Variants in PDE3A observed in about 807,000 individuals in gnomAD.
PDE3A encodes phosphodiesterase 3A.
PDE3A carries 43 observed loss-of-function variants against 98.3 expected under a neutral mutation model. That is an observed-to-expected ratio of 0.44 (90% CI 0.34 to 0.56). The LOEUF is 0.56. PDE3A is among the 20% of genes least tolerant of loss of function. The pLI is 0.01. For missense variants in PDE3A, 1,427 were observed against 1,440.7 expected, an observed-to-expected ratio of 0.99 and a Z score of 0.15; for synonymous variants, 663 against 567.9, an observed-to-expected ratio of 1.17 and a Z score of -2.38.
At chr12:20,626,051 G>A (rs183650658) in intron 5 of PDE3A, among the ~76,000 whole-genome samples, 63 of 152,150 alleles carry the variant, frequency 4.1e-4, no homozygotes, top group African/African-American at 1.4e-3. Context: ...GTGAGTGTGC[G>A]ATGTAAAATT....
At chr12:20,591,842 G>A (rs1044203972) in intron 2 of PDE3A, among the ~76,000 whole-genome samples, 16 of 152,148 alleles carry the variant, frequency 1.1e-4, no homozygotes, top group African/African-American at 2.9e-4. Context: ...TGTAATAATC[G>A]TGGTGGCTGT....
At chr12:20,638,594 G>T (rs1015883454) in intron 9 of PDE3A, among the ~76,000 whole-genome samples, 3 of 152,060 alleles carry the variant, frequency 2.0e-5, no homozygotes, top group Admixed American at 6.6e-5. Flanking sequence ...TCATACTTTA[G>T]GGATCCCCCT....
At position 20,685,378 on chromosome 12, in the gene PDE3A, C is replaced by T. The variant is rs1292226220; in HGVS notation, c.*5107C>T. ...GAGCTGAGATTGCACCATTGCACTC[C>T]AGCCTGGGCAACAGGAGTTAAATTT... is the stretch of plus-strand genomic sequence containing the variant. On this transcript the variant is annotated 3_prime_UTR_variant, in exon 16 of 16. Transcript: ENST00000359062. Among the ~76,000 whole-genome samples the T allele has an allele frequency of 7.6e-6, 1 of 131,074 alleles. No individual in the cohort carries two copies. Among genetic ancestry groups the T allele is most frequent in the South Asian group, 2.3e-4 (1 of 4,262 alleles). 86.0% of individuals were successfully genotyped at this position (131,074 alleles called of 152,430 possible).
chr12:20,667,283 G>A (rs957176434), intron 15 of PDE3A, among the ~76,000 whole-genome samples: 5 of 151,976 alleles, frequency 3.3e-5, no homozygotes, highest in Non-Finnish European at 5.9e-5. Flanking sequence ...TTTTAGTTTA[G>A]TCCCATTTGT....
At chr12:20,427,369 AGT>A (rs1158695304) in intron 1 of PDE3A, among the ~76,000 whole-genome samples, 1 of 152,248 alleles carries the variant, frequency 6.6e-6, no homozygotes, top group African/African-American at 2.4e-5. Flanking sequence ...GTAAAATGGA[AGT>A]GTATTAATGG....
At chr12:20,414,466 G>A (rs1180517078) in intron 1 of PDE3A, among the ~76,000 whole-genome samples, 1 of 151,652 alleles carries the variant, frequency 6.6e-6, no homozygotes, top group African/African-American at 2.4e-5. Flanking sequence ...AGTCTCCTAA[G>A]TCTATGTTTC....
intron 1 of PDE3A, among the ~76,000 whole-genome samples, chr12:20,548,478 C>G (rs1942115267): frequency 6.6e-6 from 1 of 151,968 alleles, no homozygotes; most frequent in Admixed American, 6.6e-5. Context: ...GTTATGTACT[C>G]TTATCAACTA....
intron 2 of PDE3A, among the ~76,000 whole-genome samples, chr12:20,559,621 A>T (rs986767394): frequency 6.6e-5 from 10 of 151,788 alleles, no homozygotes; most frequent in Admixed American, 2.6e-4. Context: ...CAGTGAGCCA[A>T]GATCATGCCA....
At chr12:20,419,563 A>G (rs557552574) in intron 1 of PDE3A, among the ~76,000 whole-genome samples, 1 of 151,918 alleles carries the variant, frequency 6.6e-6, no homozygotes, top group Admixed American at 6.6e-5. Flanking sequence ...AGTTTCACAA[A>G]AAATAAAGTC....
intron 2 of PDE3A, among the ~76,000 whole-genome samples, chr12:20,609,935 G>A (rs10743379): frequency 0.97 from 146,841 of 152,008 alleles, 71,138 homozygotes; most frequent in East Asian, 1. Context: ...ACCTGAAACC[G>A]TGAAACTTAT....
In PDE3A at chr12:20,369,193, GT is replaced by G; in HGVS notation, c.-91del. On this transcript the variant is annotated 5_prime_UTR_variant, in exon 1 of 16. Transcript: ENST00000359062. ...GGAATTGGGAAGAGCGTGCGTGCGT[GT>G]GTGTGTGTGTGTGTGTGCGCGCGCG... 1.1e-5 allele frequency: 4 copies of G among 360,386 alleles called. No individual in the cohort carries two copies. Among genetic ancestry groups the G allele is most frequent in the East Asian group, 6.2e-5 (1 of 16,222 alleles). The allele number at this position is 360,386 out of a possible 1,614,324, so 22.3% of individuals were successfully genotyped here. A position where few individuals can be genotyped will look rare whatever the true frequency, so the allele number is the denominator to read the frequency against.
At chr12:20,411,144 A>G (rs915092843) in intron 1 of PDE3A, among the ~76,000 whole-genome samples, 1 of 152,226 alleles carries the variant, frequency 6.6e-6, no homozygotes, top group Admixed American at 6.5e-5. Context: ...GGTATAATAC[A>G]CATAACAAAG....
intron 15 of PDE3A, among the ~76,000 whole-genome samples, chr12:20,667,837 G>A (rs183894576): frequency 3.0e-4 from 45 of 152,238 alleles, no homozygotes; most frequent in African/African-American, 1.1e-3. Context: ...AAAGATTGCG[G>A]GGGAGGAGCC....
intron 1 of PDE3A, among the ~76,000 whole-genome samples, chr12:20,554,517 T>G (rs1942314348): frequency 6.6e-6 from 1 of 151,852 alleles, no homozygotes; most frequent in South Asian, 2.1e-4. Context: ...TAATTAATAT[T>G]ACCATTTATT....
intron 1 of PDE3A, among the ~76,000 whole-genome samples, chr12:20,454,322 T>A (rs1389795317): frequency 6.6e-6 from 1 of 152,174 alleles, no homozygotes; most frequent in African/African-American, 2.4e-5. Flanking sequence ...ACGCTTACCC[T>A]CACCACTCTG....
chr12:20,450,118 A>C, intron 1 of PDE3A: 2 of 458,598 alleles, frequency 4.4e-6, no homozygotes, highest in South Asian at 6.8e-5. Flanking sequence ...CTCCTTTCCC[A>C]GAATGCATCG....
At chr12:20,494,141 T>G (rs560147609) in intron 1 of PDE3A, among the ~76,000 whole-genome samples, 250 of 152,346 alleles carry the variant, frequency 1.6e-3, no homozygotes, top group Non-Finnish European at 2.5e-3. Flanking sequence ...GATTAAGTTG[T>G]CTTCAGGCCG....
intron 1 of PDE3A, chr12:20,553,023 T>C: frequency 6.6e-7 from 1 of 1,506,412 alleles, no homozygotes; most frequent in South Asian, 1.2e-5. Flanking sequence ...CTCCAAGCAC[T>C]TCTCGACAGG....
chr12:20,530,543 C>A (rs1946606562), intron 1 of PDE3A, among the ~76,000 whole-genome samples: 1 of 148,782 alleles, frequency 6.7e-6, no homozygotes, highest in Non-Finnish European at 1.5e-5. Context: ...AGGCTGGACT[C>A]TAGCTCCTGA....
Sources: allele counts gnomAD v4.1 joint callset (sites outside exome capture counted in the v4.1 genomes callset), GRCh38; gene constraint gnomAD v4.1.1; transcripts MANE v1.5; gene names NCBI Gene and HGNC (gene_info 2026-07-23, HGNC 2026-07-21).